Variants in PCP4 observed in about 807,000 individuals in gnomAD.
PCP4 encodes the protein Purkinje cell protein 4.
A neutral mutation model predicts 10.0 loss-of-function variants in PCP4; 8 were observed. That is an observed-to-expected ratio of 0.80 (90% CI 0.47 to 1.45). The LOEUF is 1.45. Among genes scored for constraint, PCP4 ranks in the 40% most tolerant of loss-of-function variants. The pLI is 0.00. For missense variants in PCP4, 54 were observed against 74.4 expected, an observed-to-expected ratio of 0.73 and a Z score of 1.01; for synonymous variants, 21 against 23.0, an observed-to-expected ratio of 0.91 and a Z score of 0.24.
At chr21:39,919,498 G>C (rs2299790) in intron 2 of PCP4, among the ~76,000 whole-genome samples, 14 of 152,190 alleles carry the variant, frequency 9.2e-5, no homozygotes, top group African/African-American at 3.1e-4. Context: ...ACTCCTACTC[G>C]GGACTATTAT....
chr21:39,880,118 A>ATATCTGTATCTG (rs1254197282), intron 1 of PCP4, among the ~76,000 whole-genome samples: 2 of 137,890 alleles, frequency 1.5e-5, no homozygotes, highest in Non-Finnish European at 3.1e-5. Context: ...ATCTATATCT[A>ATATCTGTATCTG]TATCTATATC....
chr21:39,904,743 A>G (rs1426673544), intron 2 of PCP4, among the ~76,000 whole-genome samples: 1 of 152,132 alleles, frequency 6.6e-6, no homozygotes, highest in Non-Finnish European at 1.5e-5. Context: ...TGCGATTCAG[A>G]GTTTTGCTGT....
At chr21:39,880,743 C>G (rs746867025) in intron 1 of PCP4, among the ~76,000 whole-genome samples, 2 of 152,160 alleles carry the variant, frequency 1.3e-5, no homozygotes, top group African/African-American at 2.4e-5. Flanking sequence ...TTTTTGTATG[C>G]TGGGCTTTGG....
intron 2 of PCP4, among the ~76,000 whole-genome samples, chr21:39,909,097 G>A (rs1279961892): frequency 3.9e-5 from 6 of 152,140 alleles, no homozygotes; most frequent in African/African-American, 1.2e-4. Flanking sequence ...CATTCTGAAC[G>A]TTCAAGAAGG....
At chr21:39,887,636 G>A (rs1362727134) in intron 1 of PCP4, among the ~76,000 whole-genome samples, 1 of 152,120 alleles carries the variant, frequency 6.6e-6, no homozygotes, top group Non-Finnish European at 1.5e-5. Flanking sequence ...CTTAATGATC[G>A]AGGTGGCCTC....
At chr21:39,913,864 C>T (rs191101268) in intron 2 of PCP4, among the ~76,000 whole-genome samples, 7 of 152,220 alleles carry the variant, frequency 4.6e-5, no homozygotes, top group East Asian at 3.9e-4. Flanking sequence ...CCTGGAAATA[C>T]GCAAAGAGAA....
intron 1 of PCP4, among the ~76,000 whole-genome samples, chr21:39,869,751 C>G (rs781476328): frequency 3.5e-4 from 53 of 152,208 alleles, no homozygotes; most frequent in Non-Finnish European, 5.4e-4. Flanking sequence ...GGGTAGAGAA[C>G]TCGATTCCCC....
At chr21:39,903,402 G>A (rs1437470148) in intron 2 of PCP4, among the ~76,000 whole-genome samples, 1 of 113,814 alleles carries the variant, frequency 8.8e-6, no homozygotes, top group East Asian at 2.2e-4. Context: ...ACAGAGGAAA[G>A]GTATTATTTT....
rs540120746 is a variant in PCP4 at position 39,875,448 on chromosome 21, C to T, written c.9+7938C>T. Among the ~76,000 whole-genome samples the T allele has an allele frequency of 1.2e-4, 18 of 152,278 alleles. No individual in the cohort carries two copies. In the South Asian group the frequency reaches 3.5e-3, roughly 30 times the overall value. On this transcript the variant is annotated intron_variant, in intron 1 of 2. Coordinates refer to ENST00000328619, the MANE Select transcript of PCP4 (RefSeq NM_006198.3). Reference sequence around the variant, plus strand: ...AGACGGGCGATGGTGTGGAGCCTTCCTTTACAGATCATAACTCTGCATCTT... The same window carrying T: ...AGACGGGCGATGGTGTGGAGCCTTCTTTTACAGATCATAACTCTGCATCTT...
chr21:39,916,614 T>C (rs113009893), intron 2 of PCP4, among the ~76,000 whole-genome samples: 5,008 of 152,272 alleles, frequency 0.033, 296 homozygotes, highest in African/African-American at 0.11. Context: ...CATTATTGGG[T>C]ATATACCCAA....
chr21:39,876,698 T>A (rs945403922), intron 1 of PCP4, among the ~76,000 whole-genome samples: 8 of 152,230 alleles, frequency 5.3e-5, no homozygotes, highest in African/African-American at 1.9e-4. Flanking sequence ...AATTTTTAAA[T>A]TGATCTTAGA....
intron 2 of PCP4, among the ~76,000 whole-genome samples, chr21:39,924,498 G>C (rs1237386246): frequency 1.3e-5 from 2 of 152,138 alleles, no homozygotes; most frequent in Non-Finnish European, 2.9e-5. Flanking sequence ...TCCCCAAGGA[G>C]ACTGAGGGCT....
intron 1 of PCP4, among the ~76,000 whole-genome samples, chr21:39,891,118 T>G (rs2087428499): frequency 6.6e-6 from 1 of 152,114 alleles, no homozygotes; most frequent in Non-Finnish European, 1.5e-5. Context: ...CTTGATGTGG[T>G]CTGTTCAACT....
intron 1 of PCP4, among the ~76,000 whole-genome samples, chr21:39,878,098 C>T (rs2087355127): frequency 1.3e-5 from 2 of 152,104 alleles, no homozygotes; most frequent in African/African-American, 4.8e-5. Context: ...AGACGTGGTC[C>T]TTACCCCTTA....
intron 2 of PCP4, among the ~76,000 whole-genome samples, chr21:39,904,225 C>T (rs536386300): frequency 1.3e-5 from 2 of 152,198 alleles, no homozygotes; most frequent in African/African-American, 4.8e-5. Flanking sequence ...AGAAATTTCA[C>T]TACCCCCTAC....
chr21:39,877,091 C>T (rs1157983572), intron 1 of PCP4, among the ~76,000 whole-genome samples: 1 of 152,238 alleles, frequency 6.6e-6, no homozygotes, highest in African/African-American at 2.4e-5. Flanking sequence ...TTCCTTTCCA[C>T]ATTTTCCATG....
At chr21:39,926,860 A>C (rs377062849) in intron 2 of PCP4, among the ~76,000 whole-genome samples, 18 of 152,208 alleles carry the variant, frequency 1.2e-4, no homozygotes, top group African/African-American at 4.3e-4. Context: ...GACAATGTGA[A>C]TAGCTACCTG....
At position 39,867,461 on chromosome 21, in the gene PCP4, T is replaced by C. The variant is rs750798720; in HGVS notation, c.-41T>C. 4 of 1,613,524 alleles carry C rather than the reference T, an allele frequency of 2.5e-6. No homozygotes were observed. The South Asian group carries it at 4.4e-5, about 18-fold the overall frequency. ...GCAGCGACCCCTGAGCAGTGTTCTC[T>C]GTGCTGAGCGGCGGGACTGAGCTGT... On this transcript the variant is annotated 5_prime_UTR_variant, in exon 1 of 3. Transcript: ENST00000328619.
intron 2 of PCP4, among the ~76,000 whole-genome samples, chr21:39,909,780 T>G (rs1407979207): frequency 7.0e-6 from 1 of 143,502 alleles, no homozygotes; most frequent in African/African-American, 2.6e-5. Context: ...CAAAATTTCT[T>G]CCTTCCTTTC....
Sources: gnomAD v4.1 joint callset for allele counts (sites outside exome capture counted in the v4.1 genomes callset) on GRCh38, gnomAD v4.1.1 for gene constraint, MANE v1.5 for transcripts, NCBI Gene and HGNC (gene_info 2026-07-23, HGNC 2026-07-21) for gene names.